Variants in L2HGDH observed in about 807,000 individuals in gnomAD.
The protein encoded by L2HGDH is L-2-hydroxyglutarate dehydrogenase, also known as L-2-hydroxyglutarate dehydrogenase, mitochondrial.
In L2HGDH, 34 loss-of-function variants were observed where a neutral mutation model predicts 51.5. That is an observed-to-expected ratio of 0.66 (90% CI 0.50 to 0.88). The LOEUF is 0.88. L2HGDH is among the 40% of genes least tolerant of loss of function. The pLI, the probability that L2HGDH is intolerant of heterozygous loss-of-function variation, is 0.00. For missense variants in L2HGDH, 558 were observed against 571.9 expected, an observed-to-expected ratio of 0.98 and a Z score of 0.25; for synonymous variants, 198 against 197.9, an observed-to-expected ratio of 1.00 and a Z score of -0.01.
intron 3 of L2HGDH, among the ~76,000 whole-genome samples, chr14:50,298,050 C>A (rs961396457): frequency 6.6e-6 from 1 of 151,924 alleles, no homozygotes; most frequent in African/African-American, 2.4e-5. Context: ...TTAAGACCAG[C>A]CTAGTTAACA....
chr14:50,298,953 G>A (rs1415038698), intron 3 of L2HGDH, among the ~76,000 whole-genome samples: 1 of 151,904 alleles, frequency 6.6e-6, no homozygotes, highest in Admixed American at 6.6e-5. Context: ...ACCAAATTCA[G>A]AATTAGTAGA....
chr14:50,290,310 G>A (rs1190899282), intron 4 of L2HGDH, among the ~76,000 whole-genome samples: 1 of 151,970 alleles, frequency 6.6e-6, no homozygotes, highest in African/African-American at 2.4e-5. Flanking sequence ...ACTCCCTTAA[G>A]ACTGAGAATT....
At chr14:50,270,583 T>C (rs1402356706) in intron 6 of L2HGDH, among the ~76,000 whole-genome samples, 3 of 151,984 alleles carry the variant, frequency 2.0e-5, no homozygotes, top group African/African-American at 2.4e-5. Context: ...CTCGGCTCAC[T>C]GCAAGCTCCA....
At chr14:50,296,660 A>G (rs1041162765) in intron 3 of L2HGDH, among the ~76,000 whole-genome samples, 8 of 151,742 alleles carry the variant, frequency 5.3e-5, no homozygotes, top group Admixed American at 3.3e-4. Flanking sequence ...TTAAAAAAAA[A>G]AGTAATACTA....
chr14:50,259,726 C>T (rs1301165279), intron 9 of L2HGDH, among the ~76,000 whole-genome samples: 1 of 151,666 alleles, frequency 6.6e-6, no homozygotes, highest in Non-Finnish European at 1.5e-5. Context: ...CCCAGCTACT[C>T]AGGAGGCTGA....
rs908907885 is a variant in L2HGDH, at chr14:50,267,564, TTTTG to T, written c.1064+185_1064+188del. The stretch of plus-strand genomic sequence containing the variant: ...TACTTATTCCAAAAGGCATTTTTTT[TTTTG>T]TTTGTTTGTTTGTTTGTTTGCTACC... On this transcript the variant is annotated intron_variant, in intron 8 of 9. Transcript: ENST00000267436. 4.2e-3 allele frequency among the ~76,000 whole-genome samples: 640 copies of T among 150,974 alleles called. 4 individuals are homozygous for T. Among genetic ancestry groups the T allele is most frequent in the Admixed American group, 6.6e-3 (100 of 15,138 alleles).
Position 50,261,633 on chromosome 14 carries a change from C to T in L2HGDH, c.1196+3725G>A, listed in dbSNP as rs76660235. 4.7e-3 allele frequency among the ~76,000 whole-genome samples: 712 copies of T among 152,016 alleles called. 3 individuals are homozygous for T. The highest frequency in any genetic ancestry group is 0.016 in the African/African-American group (653 of 41,458). Reference sequence around the variant, plus strand: ...TAGTAGCTACAACTATAGGCGTGCACCACCTGCCCAGCTAATTAAAAAAAA... The same window carrying T: ...TAGTAGCTACAACTATAGGCGTGCATCACCTGCCCAGCTAATTAAAAAAAA... On this transcript the variant is annotated intron_variant, in intron 9 of 9. Coordinates refer to ENST00000267436, the MANE Select transcript of L2HGDH (RefSeq NM_024884.3).
intron 3 of L2HGDH, among the ~76,000 whole-genome samples, chr14:50,300,183 T>A (rs375326988): frequency 1.3e-5 from 2 of 152,280 alleles, no homozygotes; most frequent in East Asian, 3.9e-4. Context: ...GTTAATAATG[T>A]ATTATATTCT....
chr14:50,256,125 A>G (rs1187744226), intron 9 of L2HGDH, among the ~76,000 whole-genome samples: 2 of 152,192 alleles, frequency 1.3e-5, no homozygotes, highest in Non-Finnish European at 2.9e-5. Flanking sequence ...TACAGGTTGG[A>G]AAAACAGCTA....
At position 50,244,598 on chromosome 14, in the gene L2HGDH, T is replaced by G; in HGVS notation, c.*2460A>C. On this transcript the variant is annotated 3_prime_UTR_variant, in exon 10 of 10. Coordinates refer to ENST00000267436, the MANE Select transcript of L2HGDH (RefSeq NM_024884.3). ...GGGCTTGTTTCTTCTGTCATTGATA[T>G]CTGAATGCTTTTAATATACTCATCC... is the stretch of plus-strand genomic sequence containing the variant. 2.0e-6 allele frequency: 2 copies of G among 985,450 alleles called. No individual in the cohort carries two copies. Among genetic ancestry groups the G allele is most frequent in the Non-Finnish European group, 2.4e-6 (2 of 829,946 alleles). The allele number at this position is 985,450 out of a possible 1,614,324, so 61.0% of individuals were successfully genotyped here. A position where few individuals can be genotyped will look rare whatever the true frequency, so the allele number is the denominator to read the frequency against.
At chr14:50,308,916 A>G (rs2139231566) in intron 1 of L2HGDH, among the ~76,000 whole-genome samples, 2 of 152,322 alleles carry the variant, frequency 1.3e-5, no homozygotes, top group Middle Eastern at 3.4e-3. Context: ...CATACCATGG[A>G]ATTCTATTCA....
intron 4 of L2HGDH, among the ~76,000 whole-genome samples, chr14:50,293,627 G>C (rs760691449): frequency 2.0e-5 from 3 of 152,280 alleles, no homozygotes; most frequent in Admixed American, 6.5e-5. Flanking sequence ...CACTTTGGGA[G>C]GTCGAGGCAG....
intron 4 of L2HGDH, among the ~76,000 whole-genome samples, chr14:50,290,356 G>A (rs1253283709): frequency 6.6e-6 from 1 of 152,130 alleles, no homozygotes; most frequent in Non-Finnish European, 1.5e-5. Flanking sequence ...ACAATAAGTG[G>A]CTTTGGTTCT....
intron 9 of L2HGDH, among the ~76,000 whole-genome samples, chr14:50,261,111 C>T (rs1236783761): frequency 1.3e-5 from 2 of 150,076 alleles, no homozygotes; most frequent in East Asian, 3.9e-4. Flanking sequence ...TGTGAGACTC[C>T]GTCTAAAAAA....
chr14:50,247,005 C>T lies in L2HGDH; in HGVS notation c.*53G>A. On this transcript the variant is annotated 3_prime_UTR_variant, in exon 10 of 10. Transcript: ENST00000267436. ...TTTAAATTAAAGAATGCAATTAGTA[C>T]ATTCTTGTTGCTGACATGAAGATTA... 1 of 1,582,060 alleles carries T rather than the reference C, an allele frequency of 6.3e-7. No homozygotes were observed. The highest frequency in any genetic ancestry group is 8.6e-7 in the Non-Finnish European group (1 of 1,159,472).
intron 9 of L2HGDH, among the ~76,000 whole-genome samples, chr14:50,255,538 A>AG (rs1020639917): frequency 6.6e-4 from 2 of 3,010 alleles, no homozygotes; most frequent in Non-Finnish European, 1.8e-3. Flanking sequence ...CTCCATCTCC[A>AG]AAAAAAAAAA....
At position 50,285,044 on chromosome 14, in the gene L2HGDH, G is replaced by A. The variant is rs561745450; in HGVS notation, c.541-1011C>T. Reference sequence around the variant, plus strand: ...AGGCGGATCACAAGGTCAGGAGTTCGAGACCAGCCTGGCCAATTATGGTGA... The same window carrying A: ...AGGCGGATCACAAGGTCAGGAGTTCAAGACCAGCCTGGCCAATTATGGTGA... On this transcript the variant is annotated intron_variant, in intron 4 of 9. Transcript: ENST00000267436. Among the ~76,000 whole-genome samples the A allele has an allele frequency of 2.4e-3, 361 of 152,212 alleles. 3 individuals carry two copies. The highest frequency in any genetic ancestry group is 7.9e-3 in the African/African-American group (327 of 41,544).
At chr14:50,260,142 A>T (rs920832263) in intron 9 of L2HGDH, among the ~76,000 whole-genome samples, 3 of 152,108 alleles carry the variant, frequency 2.0e-5, no homozygotes, top group Non-Finnish European at 4.4e-5. Context: ...GATTTTGGGG[A>T]AGATTCCTCC....
intron 3 of L2HGDH, among the ~76,000 whole-genome samples, chr14:50,295,985 C>T (rs560245624): frequency 6.6e-6 from 1 of 151,884 alleles, no homozygotes; most frequent in Non-Finnish European, 1.5e-5. Context: ...GTGGTCCATC[C>T]ACTTCGGCCT....
Sources: allele counts gnomAD v4.1 joint callset (sites outside exome capture counted in the v4.1 genomes callset), GRCh38; gene constraint gnomAD v4.1.1; transcripts MANE v1.5; gene names NCBI Gene and HGNC (gene_info 2026-07-23, HGNC 2026-07-21).